The following MLLT3 variants were observed in gnomAD, a reference collection of about 807,000 sequenced individuals.
The protein encoded by MLLT3 is protein AF-9.
Under a neutral mutation model 53.2 loss-of-function variants are expected in MLLT3, and 4 were observed. That is an observed-to-expected ratio of 0.08 (90% confidence interval 0.04 to 0.17). The LOEUF (loss-of-function observed/expected upper bound fraction) is 0.17. Among genes scored for constraint, MLLT3 ranks in the 10% least tolerant of loss-of-function variants. MLLT3 has a pLI of 1.00. For missense variants in MLLT3, 569 were observed against 684.0 expected, an observed-to-expected ratio of 0.83 and a Z score of 1.87; for synonymous variants, 283 against 230.6, an observed-to-expected ratio of 1.23 and a Z score of -2.06.
intron 2 of MLLT3, among the ~76,000 whole-genome samples, chr9:20,496,039 C>T (rs1403695750): frequency 2.6e-5 from 4 of 152,088 alleles, no homozygotes; most frequent in African/African-American, 7.2e-5. Context: ...TAGGTTTGCC[C>T]AATATGCAAC....
In MLLT3 at chr9:20,344,724, CCT is replaced by C. The variant is rs960569488; in HGVS notation, c.*1717_*1718del. On this transcript the variant is annotated 3_prime_UTR_variant, in exon 11 of 11. Coordinates refer to ENST00000380338, the MANE Select transcript of MLLT3 (RefSeq NM_004529.4). The stretch of plus-strand genomic sequence containing the variant: ...TAGAAAGAAACAGTGTAAAAAATCC[CCT>C]TTTTAAAATGCAGAAATAACTCCAT... 9.7e-5 allele frequency: 20 copies of C among 206,014 alleles called. No individual in the cohort carries two copies. Among genetic ancestry groups the C allele is most frequent in the Non-Finnish European group, 1.7e-4 (17 of 100,910 alleles). 12.8% of individuals were successfully genotyped at this position (206,014 alleles called of 1,614,324 possible). A position where few individuals can be genotyped will look rare whatever the true frequency, so the allele number is the denominator to read the frequency against.
rs750628111 is a variant in MLLT3 at position 20,346,491 on chromosome 9, G to A, written c.1659C>T (p.Thr553=). Residue 553 remains threonine (T), a synonymous_variant, in exon 11 of 11, where the codon ACC becomes ACT. Coordinates refer to ENST00000380338, the MANE Select transcript of MLLT3 (RefSeq NM_004529.4). Reference sequence around the variant, plus strand: ...GGTAACTCTGTAGTTTACGGACTGTGGTTTTGTCCAGCGAGCAAAGATCAA... The same window carrying A: ...GGTAACTCTGTAGTTTACGGACTGTAGTTTTGTCCAGCGAGCAAAGATCAA... The part of the protein sequence containing the change: ...FDFDLCSLDK[T]TVRKLQSYLE... 169 of 1,613,428 alleles carry A rather than the reference G, an allele frequency of 1.0e-4. No individual in the cohort carries two copies. In the Admixed American group the frequency reaches 2.8e-3, roughly 26 times the overall value.
chr9:20,443,771 G>T (rs1823616094), intron 4 of MLLT3, among the ~76,000 whole-genome samples: 1 of 152,122 alleles, frequency 6.6e-6, no homozygotes, highest in Admixed American at 6.6e-5. Context: ...AAGGTACTGG[G>T]TATCTACTAT....
intron 2 of MLLT3, among the ~76,000 whole-genome samples, chr9:20,619,206 A>G (rs1026988287): frequency 2.0e-5 from 3 of 152,222 alleles, no homozygotes; most frequent in Non-Finnish European, 4.4e-5. Context: ...AATGCTAACA[A>G]ATTTCAAATG....
At chr9:20,590,087 T>A (rs1820089267) in intron 2 of MLLT3, among the ~76,000 whole-genome samples, 1 of 152,166 alleles carries the variant, frequency 6.6e-6, no homozygotes, top group South Asian at 2.1e-4. Context: ...TACAAAGTCA[T>A]CTAGGTCAGC....
At chr9:20,588,889 C>T (rs1257058051) in intron 2 of MLLT3, among the ~76,000 whole-genome samples, 6 of 151,710 alleles carry the variant, frequency 4.0e-5, no homozygotes, top group Non-Finnish European at 5.9e-5. Context: ...AATGAGATAC[C>T]ATCTCACACC....
chr9:20,466,344 C>T (rs1002010845), intron 2 of MLLT3, among the ~76,000 whole-genome samples: 3 of 152,138 alleles, frequency 2.0e-5, no homozygotes, highest in African/African-American at 7.2e-5. Context: ...ACTTAACCTG[C>T]ACAGTGTTAG....
intron 5 of MLLT3, among the ~76,000 whole-genome samples, chr9:20,395,445 T>C (rs1822298671): frequency 6.6e-6 from 1 of 152,118 alleles, no homozygotes; most frequent in Admixed American, 6.6e-5. Context: ...ATAGTCAAAT[T>C]AATAGATCTG....
intron 3 of MLLT3, among the ~76,000 whole-genome samples, chr9:20,449,802 G>C (rs532677805): frequency 6.6e-6 from 1 of 152,144 alleles, no homozygotes; most frequent in Non-Finnish European, 1.5e-5. Flanking sequence ...TTCTCTCCTG[G>C]TTTTCCTCAT....
intron 2 of MLLT3, among the ~76,000 whole-genome samples, chr9:20,546,545 T>A (rs1818792855): frequency 6.9e-6 from 1 of 145,408 alleles, no homozygotes; most frequent in Non-Finnish European, 1.5e-5. Flanking sequence ...ACCTATCACT[T>A]AAAAAAAAAA....
chr9:20,357,941 T>C (rs1169716375), intron 8 of MLLT3, among the ~76,000 whole-genome samples: 1 of 151,258 alleles, frequency 6.6e-6, no homozygotes, highest in Non-Finnish European at 1.5e-5. Flanking sequence ...TCTTTCTCTA[T>C]CCCTGTCTCT....
At chr9:20,453,825 T>C (rs1013178673) in intron 3 of MLLT3, among the ~76,000 whole-genome samples, 2 of 152,214 alleles carry the variant, frequency 1.3e-5, no homozygotes, top group African/African-American at 2.4e-5. Context: ...CAGAATTCTA[T>C]GGATTACATA....
chr9:20,596,427 C>A (rs920853739), intron 2 of MLLT3, among the ~76,000 whole-genome samples: 1 of 152,184 alleles, frequency 6.6e-6, no homozygotes, highest in South Asian at 2.1e-4. Context: ...TGGTGGCACA[C>A]GCCTATAATC....
At chr9:20,609,308 G>T (rs1462275840) in intron 2 of MLLT3, among the ~76,000 whole-genome samples, 2 of 152,012 alleles carry the variant, frequency 1.3e-5, no homozygotes, top group African/African-American at 4.8e-5. Context: ...TTCAGCATTT[G>T]AATTATTAAA....
intron 2 of MLLT3, among the ~76,000 whole-genome samples, chr9:20,480,648 A>G (rs1384118444): frequency 6.6e-6 from 1 of 152,212 alleles, no homozygotes; most frequent in Admixed American, 6.5e-5. Flanking sequence ...TCTTCAAGAC[A>G]AAAGTATGCT....
intron 5 of MLLT3, among the ~76,000 whole-genome samples, chr9:20,367,466 A>G (rs1821487586): frequency 6.6e-6 from 1 of 152,158 alleles, no homozygotes; most frequent in East Asian, 1.9e-4. Flanking sequence ...ATCGGTGACT[A>G]AAGACGGTAC....
chr9:20,485,028 G>A (rs904134154), intron 2 of MLLT3, among the ~76,000 whole-genome samples: 36 of 148,064 alleles, frequency 2.4e-4, no homozygotes, highest in African/African-American at 9.0e-4. Context: ...TCTCTCTGTT[G>A]CCCAGACTGG....
intron 2 of MLLT3, among the ~76,000 whole-genome samples, chr9:20,572,795 A>G (rs1424471020): frequency 6.6e-6 from 1 of 152,230 alleles, no homozygotes; most frequent in Non-Finnish European, 1.5e-5. Flanking sequence ...CTCCACCTCA[A>G]AAAATAATAA....
intron 7 of MLLT3, among the ~76,000 whole-genome samples, chr9:20,362,184 G>T (rs1821339643): frequency 6.6e-6 from 1 of 152,136 alleles, no homozygotes; most frequent in Non-Finnish European, 1.5e-5. Context: ...AAGAAAAGCA[G>T]CCCCCAAAAT....
Sources: gnomAD v4.1 joint callset for allele counts (sites outside exome capture counted in the v4.1 genomes callset) on GRCh38, gnomAD v4.1.1 for gene constraint, MANE v1.5 for transcripts, NCBI Gene and HGNC (gene_info 2026-07-23, HGNC 2026-07-21) for gene names.